HBS1L: variants seen among roughly 807,000 people sequenced by gnomAD.
The protein encoded by HBS1L is HBS1-like protein.
In HBS1L, 55 loss-of-function variants were observed where a neutral mutation model predicts 88.9. The ratio of observed to expected loss-of-function variants is 0.62; its 90% CI spans 0.50 to 0.77. The LOEUF (loss-of-function observed/expected upper bound fraction) is 0.77, where lower values mean the gene tolerates loss of function less well. HBS1L is among the 30% of genes least tolerant of loss of function. The pLI is 0.00. For synonymous variants in HBS1L, 267 were observed against 288.5 expected, an observed-to-expected ratio of 0.93 and a Z score of 0.76; for missense variants, 741 against 829.3, an observed-to-expected ratio of 0.89 and a Z score of 1.31.
chr6:134,996,651 T>C (rs9402671), intron 7 of HBS1L, 126 bp downstream of exon 7: 91,203 of 660,874 alleles, frequency 0.14, 7,270 homozygotes, highest in South Asian at 0.26. Flanking sequence ...CCCTGATATC[T>C]AAAAGCTATT....
rs916479417 is a variant in HBS1L at position 134,965,180 on chromosome 6, T to C, written c.*99A>G. 4.1e-6 allele frequency: 4 copies of C among 970,696 alleles called. No homozygotes were observed. The highest frequency in any genetic ancestry group is 6.6e-6 in the Non-Finnish European group (4 of 604,328). 60.1% of individuals were successfully genotyped at this position (970,696 alleles called of 1,614,324 possible). On this transcript the variant is annotated 3_prime_UTR_variant, in exon 18 of 18. Transcript: ENST00000367837. ...AATTTTTCTCTCTCATCTAAAAACA[T>C]ATCAATTGCACATTGTTCCTTTGAC...
Position 135,054,737 on chromosome 6 carries a change from A to T in HBS1L, c.-46T>A. 1 of 1,611,600 alleles carries T rather than the reference A, an allele frequency of 6.2e-7. No homozygotes were observed. ...CCACAGCCCCTTAACTCCTTCCAAA[A>T]CACTCCGCTTAGATACTGATAAGGC... is the stretch of plus-strand genomic sequence containing the variant. On this transcript the variant is annotated 5_prime_UTR_variant, in exon 1 of 18. Coordinates refer to ENST00000367837, the MANE Select transcript of HBS1L (RefSeq NM_006620.4).
chr6:134,966,290 A>C, intron 17 of HBS1L, 39 bp downstream of exon 17: 1 of 1,555,360 alleles, frequency 6.4e-7, no homozygotes, highest in Non-Finnish European at 8.7e-7. Context: ...AAGGCATCAT[A>C]ACTATGGATA....
chr6:135,013,553 G>A (rs1775833306), intron 4 of HBS1L, among the ~76,000 whole-genome samples: 1 of 152,162 alleles, frequency 6.6e-6, no homozygotes, highest in Admixed American at 6.5e-5. Context: ...AAGCGTTGGA[G>A]AAACATATCA....
At chr6:134,968,609 A>C (rs1774386287) in intron 16 of HBS1L, among the ~76,000 whole-genome samples, 1 of 152,138 alleles carries the variant, frequency 6.6e-6, no homozygotes, top group Admixed American at 6.5e-5. Flanking sequence ...TTACGTACTT[A>C]GTTTCTGAGG....
chr6:134,965,100 T>G lies in HBS1L; in HGVS notation c.*179A>C. 1.6e-6 allele frequency: 1 copy of G among 613,590 alleles called. No individual in the cohort carries two copies. The highest frequency in any genetic ancestry group is 1.9e-5 in the South Asian group (1 of 51,422). 38.0% of individuals were successfully genotyped at this position (613,590 alleles called of 1,614,324 possible). On this transcript the variant is annotated 3_prime_UTR_variant, in exon 18 of 18. Transcript: ENST00000367837. Reference sequence around the variant, plus strand: ...TAGACTTTCTTTGCCAGTTGGCAACTTAGAATTTTTGCAGAGGTGATTATT... The same window carrying G: ...TAGACTTTCTTTGCCAGTTGGCAACGTAGAATTTTTGCAGAGGTGATTATT...
intron 4 of HBS1L, chr6:135,026,887 A>T (rs1300662096): frequency 6.6e-6 from 1 of 151,446 alleles, no homozygotes; most frequent in Non-Finnish European, 1.5e-5. Context: ...AAAAAAAAAA[A>T]CAGATTATAA....
At chr6:135,009,449 G>A (rs1775705882) in intron 4 of HBS1L, among the ~76,000 whole-genome samples, 1 of 151,998 alleles carries the variant, frequency 6.6e-6, no homozygotes, top group African/African-American at 2.4e-5. Context: ...AAAATAATAT[G>A]AGAAAAGGCA....
At chr6:135,036,553 T>G in intron 4 of HBS1L, 3 of 1,455,816 alleles carry the variant, frequency 2.1e-6, no homozygotes, top group Non-Finnish European at 2.7e-6. Flanking sequence ...GTTTTCCTTT[T>G]GTTACTATTC....
chr6:134,986,722 T>C lies in HBS1L; in HGVS notation c.1305+14A>G. 1 of 1,477,804 alleles carries C rather than the reference T, an allele frequency of 6.8e-7. No individual in the cohort carries two copies. The highest frequency in any genetic ancestry group is 9.2e-7 in the Non-Finnish European group (1 of 1,087,188). The allele number at this position is 1,477,804 out of a possible 1,614,324, so 91.5% of individuals were successfully genotyped here. On this transcript the variant is annotated intron_variant, in intron 10 of 17. Transcript: ENST00000367837. ...TAAGGAAAGTAATAACAAATAAATC[T>C]AAAATGATCTTACCTTAAAACCTGC...
intron 4 of HBS1L, among the ~76,000 whole-genome samples, chr6:135,016,258 C>T (rs1775918948): frequency 6.6e-6 from 1 of 152,186 alleles, no homozygotes; most frequent in Middle Eastern, 3.2e-3. Context: ...TCATTAACAT[C>T]TACTCAGATA....
At chr6:135,047,172 C>T (rs957277281) in intron 2 of HBS1L, among the ~76,000 whole-genome samples, 5 of 152,158 alleles carry the variant, frequency 3.3e-5, no homozygotes, top group Non-Finnish European at 5.9e-5. Flanking sequence ...TCTCTGTCCT[C>T]AAGGAAGCTA....
At chr6:134,986,430 G>C (rs1044391084) in intron 10 of HBS1L, among the ~76,000 whole-genome samples, 1 of 152,036 alleles carries the variant, frequency 6.6e-6, no homozygotes, top group East Asian at 1.9e-4. Context: ...ACAGATGCTT[G>C]CTGGACAAAT....
At chr6:134,998,080 T>G (rs1369305101) in intron 5 of HBS1L, among the ~76,000 whole-genome samples, 1 of 152,230 alleles carries the variant, frequency 6.6e-6, no homozygotes, top group Non-Finnish European at 1.5e-5. Flanking sequence ...GATAGACTTA[T>G]GATCTTTTTT....
intron 5 of HBS1L, among the ~76,000 whole-genome samples, chr6:135,002,060 A>G (rs1041761604): frequency 2.4e-5 from 2 of 84,472 alleles, no homozygotes; most frequent in Non-Finnish European, 5.2e-5. Context: ...CATATAATTT[A>G]TAAGTAACAA....
chr6:134,996,801 T>C lies in HBS1L; in HGVS notation c.941A>G (p.Asp314Gly). ...CCTTTCCCTTTCTTCGCCAGTTTCATCCAAGACCCATGCATATGCAAACGA... is the reference window on the plus strand; with the variant it reads ...CCTTTCCCTTTCTTCGCCAGTTTCACCCAAGACCCATGCATATGCAAACGA... ...KASFAYAWVL[D>G]ETGEERERGV... The change falls in exon 7 of 18, where the codon GAT becomes GGT. Residue 314 changes from aspartate (D) to glycine (G), a missense_variant. By Grantham distance (94) the Asp-to-Gly change is moderately conservative (BLOSUM62 -1). This residue lies in a region of HBS1L where 556 missense variants were observed against 598.4 expected (regional missense o/e 0.93). Coordinates refer to ENST00000367837, the MANE Select transcript of HBS1L (RefSeq NM_006620.4). The C allele has an allele frequency of 1.2e-6, 2 of 1,605,750 alleles. No homozygotes were observed. Among genetic ancestry groups the C allele is most frequent in the Non-Finnish European group, 1.7e-6 (2 of 1,177,254 alleles).
At chr6:135,037,613 G>A (rs1443484514) in intron 4 of HBS1L, 2 of 1,547,166 alleles carry the variant, frequency 1.3e-6, no homozygotes, top group Non-Finnish European at 1.7e-6. Flanking sequence ...TTTAAATCTG[G>A]TATTTCTTTG....
intron 4 of HBS1L, among the ~76,000 whole-genome samples, chr6:135,007,644 A>T (rs1466814945): frequency 6.6e-6 from 1 of 152,200 alleles, no homozygotes; most frequent in East Asian, 1.9e-4. Context: ...GAAGGCAGGC[A>T]AACTCTACTG....
At chr6:135,039,855 C>T in intron 3 of HBS1L, 88 bp from the exon 4 acceptor site, 1 of 1,150,804 alleles carries the variant, frequency 8.7e-7, no homozygotes, top group Non-Finnish European at 1.2e-6. Flanking sequence ...AAATTTACAG[C>T]TGTACTAGAA....
Sources: gnomAD v4.1 joint callset for allele counts (sites outside exome capture counted in the v4.1 genomes callset) on GRCh38, gnomAD v4.1.1 for gene constraint, gnomAD v4.1.1 regional missense constraint, MANE v1.5 for transcripts, NCBI Gene and HGNC (gene_info 2026-07-23, HGNC 2026-07-21) for gene names.